TIGAR: variants seen among roughly 807,000 people sequenced by gnomAD.
TIGAR encodes fructose-2,6-bisphosphatase TIGAR.
TIGAR carries 7 observed loss-of-function variants against 17.9 expected under a neutral mutation model. The ratio of observed to expected loss-of-function variants is 0.39; its 90% CI spans 0.22 to 0.73. The LOEUF is 0.73. Among genes scored for constraint, TIGAR ranks in the 30% least tolerant of loss-of-function variants. TIGAR has a pLI of 0.42. For missense variants in TIGAR, 258 were observed against 327.4 expected (o/e 0.79, Z 1.64); for synonymous variants, 94 against 108.6 (o/e 0.87, Z 0.84).
Position 4,324,441 on chromosome 12 carries a change from A to T in TIGAR, c.32+3138A>T, listed in dbSNP as rs528004984. 7.6e-5 allele frequency: 116 copies of T among 1,522,252 alleles called. 3 individuals carry two copies. In the South Asian group the frequency reaches 1.3e-3, roughly 17 times the overall value. The allele number at this position is 1,522,252 out of a possible 1,614,324, so 94.3% of individuals were successfully genotyped here. On this transcript the variant is annotated intron_variant, in intron 1 of 5. Transcript: ENST00000179259. ...CGGGCCGGCAGTGCTTCACCAGCTTATAGGTGATGGAGAACTCGCCCAGGT... is the reference window on the plus strand; with the variant it reads ...CGGGCCGGCAGTGCTTCACCAGCTTTTAGGTGATGGAGAACTCGCCCAGGT...
intron 1 of TIGAR, among the ~76,000 whole-genome samples, chr12:4,328,977 C>T (rs1181467468): frequency 6.6e-6 from 1 of 152,152 alleles, no homozygotes; most frequent in African/African-American, 2.4e-5. Context: ...CCTATTCTTC[C>T]CCCAACCAAT....
At chr12:4,326,656 A>C (rs61909228) in intron 1 of TIGAR, among the ~76,000 whole-genome samples, 15,071 of 152,258 alleles carry the variant, frequency 0.099, 925 homozygotes, top group Non-Finnish European at 0.14. Flanking sequence ...AAATCGTTAG[A>C]TGGTGGGGCA....
At chr12:4,342,665 C>A (rs1357540244) in intron 3 of TIGAR, among the ~76,000 whole-genome samples, 4 of 152,090 alleles carry the variant, frequency 2.6e-5, no homozygotes, top group Non-Finnish European at 5.9e-5. Flanking sequence ...GAAATAAAAT[C>A]CTTTACAGAC....
chr12:4,333,080 T>C (rs966532189), intron 2 of TIGAR, among the ~76,000 whole-genome samples: 3 of 152,200 alleles, frequency 2.0e-5, no homozygotes, highest in Admixed American at 6.5e-5. Flanking sequence ...GATTTTCTTA[T>C]AGTGGTCCCC....
chr12:4,335,727 G>A lies in TIGAR; in HGVS notation c.71-1312G>A, dbSNP rs189590599. ...GTTACAGCAACTAAGACAAGGCATC[G>A]TTAGGAGTTCTCATTCTTTCCTTTA... On this transcript the variant is annotated intron_variant, in intron 2 of 5. Transcript: ENST00000179259. 109 of 152,330 alleles carry A rather than the reference G, an allele frequency of 7.2e-4. 1 individual carries two copies. The highest frequency in any genetic ancestry group is 2.5e-3 in the African/African-American group (105 of 41,568). 9.4% of individuals were successfully genotyped at this position (152,330 alleles called of 1,614,324 possible).
rs1864909412 is a variant in TIGAR at position 4,356,919 on chromosome 12, T to C, written c.*4228T>C. Among the ~76,000 whole-genome samples, 1 of 152,198 alleles carries C rather than the reference T, an allele frequency of 6.6e-6. No homozygotes were observed. Among genetic ancestry groups the C allele is most frequent in the Admixed American group, 6.5e-5 (1 of 15,280 alleles). On this transcript the variant is annotated 3_prime_UTR_variant, in exon 6 of 6. Coordinates refer to ENST00000179259, the MANE Select transcript of TIGAR (RefSeq NM_020375.3). Reference sequence around the variant, plus strand: ...ATGGCTCCCATTCACCTGTCTCTTATTTTCCTGTCCTTCCCACTCCTCACT... The same window carrying C: ...ATGGCTCCCATTCACCTGTCTCTTACTTTCCTGTCCTTCCCACTCCTCACT...
chr12:4,324,345 A>C, intron 1 of TIGAR: 2 of 769,432 alleles, frequency 2.6e-6, no homozygotes, highest in South Asian at 3.4e-5. Flanking sequence ...TTTTTTGGAA[A>C]TATGTGTGCC....
rs757965275 is a variant in TIGAR at position 4,337,086 on chromosome 12, G to A, written c.118G>A (p.Ala40Thr). 8.1e-6 allele frequency: 13 copies of A among 1,613,426 alleles called. No individual in the cohort carries two copies. The South Asian group carries it at 1.4e-4, about 18-fold the overall frequency. The change falls in exon 3 of 6, where the codon GCA becomes ACA. Residue 40 changes from alanine to threonine, a missense_variant. Transcript: ENST00000179259. ...PLSETGFKQAAAAGIFLNNVK... is the reference protein window; with the variant it reads ...PLSETGFKQATAAGIFLNNVK... ...TTCAGAAACTGGATTTAAACAAGCA[G>A]CAGCTGCTGGTATATTTCTGAATAA...
Position 4,359,896 on chromosome 12 carries a change from C to G in TIGAR, c.*7205C>G, listed in dbSNP as rs1864956192. ...ATCAGTTTCTAAAATTTTAGCCATTCTGATTGTTGTATGGTAGTATATCCC... is the reference window on the plus strand; with the variant it reads ...ATCAGTTTCTAAAATTTTAGCCATTGTGATTGTTGTATGGTAGTATATCCC... On this transcript the variant is annotated 3_prime_UTR_variant, in exon 6 of 6. Transcript: ENST00000179259. Among the ~76,000 whole-genome samples, 1 of 152,072 alleles carries G rather than the reference C, an allele frequency of 6.6e-6. No homozygotes were observed. The highest frequency in any genetic ancestry group is 2.4e-5 in the African/African-American group (1 of 41,388).
intron 3 of TIGAR, among the ~76,000 whole-genome samples, chr12:4,337,589 ACTT>A: frequency 6.6e-6 from 1 of 152,206 alleles, no homozygotes; most frequent in Non-Finnish European, 1.5e-5. Context: ...CCTCAACAGA[ACTT>A]ATTTATTTTA....
intron 3 of TIGAR, among the ~76,000 whole-genome samples, chr12:4,341,275 GA>G (rs200578818): frequency 0.28 from 42,310 of 149,598 alleles, 6,224 homozygotes; most frequent in Middle Eastern, 0.45. Flanking sequence ...ATGACAAAGA[GA>G]GGGGGGGCGG....
At chr12:4,348,526 G>A (rs953514113) in intron 3 of TIGAR, among the ~76,000 whole-genome samples, 2 of 152,184 alleles carry the variant, frequency 1.3e-5, no homozygotes, top group Non-Finnish European at 1.5e-5. Context: ...TACCCAGCAA[G>A]ATTTTTTTCT....
At chr12:4,324,394 G>A in intron 1 of TIGAR, 1 of 1,199,410 alleles carries the variant, frequency 8.3e-7, no homozygotes, top group South Asian at 1.2e-5. Context: ...GATGAAGCGG[G>A]AGGAGTGGGT....
In TIGAR at chr12:4,325,756, A is replaced by G. The variant is rs541234015; in HGVS notation, c.32+4453A>G. Among the ~76,000 whole-genome samples the G allele has an allele frequency of 2.1e-3, 322 of 151,858 alleles. 1 individual carries two copies. The highest frequency in any genetic ancestry group is 7.2e-3 in the African/African-American group (300 of 41,430). ...AAACTCGTCTCAAAAAAAAAAAAAA[A>G]AAAGAAAGACCACCAAAAGTCTTGT... On this transcript the variant is annotated intron_variant, in intron 1 of 5. Transcript: ENST00000179259.
At chr12:4,336,473 C>G (rs12369624) in intron 2 of TIGAR, among the ~76,000 whole-genome samples, 12 of 133,688 alleles carry the variant, frequency 9.0e-5, no homozygotes, top group East Asian at 4.7e-4. Flanking sequence ...CACACACACA[C>G]ACACACACAC....
chr12:4,337,229 C>T lies in TIGAR; in HGVS notation c.192+69C>T, dbSNP rs145489670. On this transcript the variant is annotated intron_variant, in intron 3 of 5. Coordinates refer to ENST00000179259, the MANE Select transcript of TIGAR (RefSeq NM_020375.3). The stretch of plus-strand genomic sequence containing the variant: ...ATGCCCAGGCTGGAGTGCAGTGGTG[C>T]AGTCTCTGTTCACTGCAACCTCCAT... 1.7e-4 allele frequency: 215 copies of T among 1,235,790 alleles called. No homozygotes were observed. The East Asian group carries it at 3.9e-3, about 23-fold the overall frequency. The allele number at this position is 1,235,790 out of a possible 1,614,324, so 76.6% of individuals were successfully genotyped here.
intron 1 of TIGAR, among the ~76,000 whole-genome samples, chr12:4,325,901 A>T (rs117363135): frequency 1.3e-5 from 2 of 152,352 alleles, no homozygotes; most frequent in East Asian, 3.9e-4. Context: ...ACTAAAGAAC[A>T]GCTTTCCCAT....
intron 2 of TIGAR, among the ~76,000 whole-genome samples, chr12:4,336,568 A>G (rs1243948725): frequency 6.6e-6 from 1 of 152,090 alleles, no homozygotes; most frequent in African/African-American, 2.4e-5. Context: ...TATCCTGGAA[A>G]TAGAGGTTTC....
At chr12:4,341,002 C>T (rs575383799) in intron 3 of TIGAR, among the ~76,000 whole-genome samples, 6 of 152,272 alleles carry the variant, frequency 3.9e-5, no homozygotes, top group African/African-American at 1.4e-4. Flanking sequence ...GAGCAATAAC[C>T]TGCAAGCACA....
Sources: allele counts gnomAD v4.1 joint callset (sites outside exome capture counted in the v4.1 genomes callset), GRCh38; gene constraint gnomAD v4.1.1; transcripts MANE v1.5; gene names NCBI Gene and HGNC (gene_info 2026-07-23, HGNC 2026-07-21).